CNTROB: variants seen among roughly 807,000 people sequenced by gnomAD.
The protein encoded by CNTROB is centrobin.
In CNTROB, 82 loss-of-function variants were observed where a neutral mutation model predicts 115.7. The observed-to-expected ratio is 0.71, with a 90% CI of 0.59 to 0.85. CNTROB has a LOEUF of 0.85. Among genes scored for constraint, CNTROB ranks in the 40% least tolerant of loss-of-function variants. CNTROB has a pLI of 0.00. For missense variants in CNTROB, 1,014 were observed against 1,144.4 expected (o/e 0.89, Z 1.64); for synonymous variants, 439 against 456.4 (o/e 0.96, Z 0.49).
In CNTROB at chr17:7,933,250, T is replaced by A; in HGVS notation, c.171T>A (p.Tyr57Ter). Residue 57 changes from tyrosine (Y) to a stop codon, truncating the protein, a stop_gained, in exon 1 of 19, where the codon TAT (tyrosine) becomes TAA (stop). Coordinates refer to ENST00000563694, the MANE Select transcript of CNTROB (RefSeq NM_053051.5). LOFTEE classifies it high-confidence loss of function. ...AGGCCACGGCCCGAGCCCAGCTGTATTTACCCTCCACCTCCCCGCCTCATG... is the reference window on the plus strand; with the variant it reads ...AGGCCACGGCCCGAGCCCAGCTGTAATTACCCTCCACCTCCCCGCCTCATG... The part of the protein sequence containing the change: ...QAEATARAQL[Y>*]LPSTSPPHEG... 1 of 1,614,212 alleles carries A rather than the reference T, an allele frequency of 6.2e-7. No homozygotes were observed. Among genetic ancestry groups the A allele is most frequent in the Non-Finnish European group, 8.5e-7 (1 of 1,180,036 alleles).
Position 7,940,146 on chromosome 17 carries a change from G to A in CNTROB, c.1215G>A (p.Leu405=), listed in dbSNP as rs372990299. The change falls in exon 9 of 19, where the codon TTG becomes TTA. Residue 405 remains leucine (L), a synonymous_variant. Transcript: ENST00000563694. ...CCGCCTGGGAGACCCAGCACCAGTT[G>A]GCATTGGTGCAGTCTGAGGTGCGGC... ...AQAAWETQHQ[L]ALVQSEVRRL... 4.5e-5 allele frequency: 72 copies of A among 1,611,476 alleles called. No individual in the cohort carries two copies. The East Asian group carries it at 1.5e-3, about 33-fold the overall frequency.
chr17:7,945,980 T>A lies in CNTROB; in HGVS notation c.1987T>A (p.Ser663Thr). The change falls in exon 13 of 19, where the codon TCC becomes ACC. Residue 663 changes from serine (S) to threonine (T), a missense_variant. Physicochemically the swap from Ser to Thr is moderately conservative, Grantham distance 58. Coordinates refer to ENST00000563694, the MANE Select transcript of CNTROB (RefSeq NM_053051.5). ...PLEPKPDLTS[S>T]TAGAFSALGA... is the part of the protein sequence containing the mutation. ...GGAGCCCAAACCAGACCTCACTTCATCCACAGGTAACTGGGGGCAGAAGTC... is the reference window on the plus strand; with the variant it reads ...GGAGCCCAAACCAGACCTCACTTCAACCACAGGTAACTGGGGGCAGAAGTC... 3 of 1,614,030 alleles carry A rather than the reference T, an allele frequency of 1.9e-6. No homozygotes were observed. The highest frequency in any genetic ancestry group is 2.5e-6 in the Non-Finnish European group (3 of 1,179,918).
In CNTROB at chr17:7,949,499, G is replaced by A. The variant is rs147569775; in HGVS notation, c.2701G>A (p.Val901Ile). 1.7e-3 allele frequency: 2,695 copies of A among 1,612,542 alleles called. 5 individuals carry two copies. Among genetic ancestry groups the A allele is most frequent in the Non-Finnish European group, 1.9e-3 (2,215 of 1,179,350 alleles). ...APSSMRSRGG[V>I]WR ...GAGTAGCATGAGGAGCCGGGGGGGA[G>A]TCTGGAGATGAGCCCCCCTACCCTC... is the stretch of plus-strand genomic sequence containing the variant. Residue 901 changes from valine to isoleucine, a missense_variant, in exon 19 of 19, where the codon GTC becomes ATC. Physicochemically the swap from Val to Ile is conservative, Grantham distance 29. Transcript: ENST00000563694.
chr17:7,937,480 A>G (rs1012348784), intron 7 of CNTROB, among the ~76,000 whole-genome samples: 28 of 152,194 alleles, frequency 1.8e-4, no homozygotes, highest in African/African-American at 6.3e-4. Context: ...TTGTATCATC[A>G]TTAGAATATT....
chr17:7,947,929 T>C lies in CNTROB; in HGVS notation c.2159T>C (p.Val720Ala), dbSNP rs1199148844. Reference sequence around the variant, plus strand: ...ATTCACCCACAGTTGCTGGAGACAGTGCCCCAGAACAATGAGAACCCTTCT... The same window carrying C: ...ATTCACCCACAGTTGCTGGAGACAGCGCCCCAGAACAATGAGAACCCTTCT... ...KNFLHQLLET[V>A]PQNNENPSVD... Residue 720 changes from valine to alanine, a missense_variant, in exon 15 of 19, where the codon GTG (valine) becomes GCG (alanine). By Grantham distance (64) the Val-to-Ala change is moderately conservative. Coordinates refer to ENST00000563694, the MANE Select transcript of CNTROB (RefSeq NM_053051.5). The C allele has an allele frequency of 6.2e-7, 1 of 1,614,042 alleles. No homozygotes were observed.
Position 7,948,363 on chromosome 17 carries a change from G to A in CNTROB, c.2380+36G>A, listed in dbSNP as rs1435072086. 1 of 1,612,218 alleles carries A rather than the reference G, an allele frequency of 6.2e-7. No homozygotes were observed. Among genetic ancestry groups the A allele is most frequent in the Admixed American group, 1.7e-5 (1 of 60,000 alleles). On this transcript the variant is annotated intron_variant, in intron 16 of 18. Transcript: ENST00000563694. This position sits in a 1 kb window ranked among gnomAD's most constrained non-coding sequence, Gnocchi z 4.4. ...TCTGGTTTATTAGGGAAAAAAGGAG[G>A]GACAGTCCTGAGTGTGGATCCAGTA... is the stretch of plus-strand genomic sequence containing the variant.
rs1441395936 is a variant in CNTROB at position 7,933,101 on chromosome 17, C to G, written c.22C>G (p.Pro8Ala). The change falls in exon 1 of 19, where the codon CCC (proline) becomes GCC (alanine). Residue 8 changes from proline (P) to alanine (A), a missense_variant. Physicochemically the swap from Pro to Ala is conservative, Grantham distance 27. Transcript: ENST00000563694. The stretch of plus-strand genomic sequence containing the variant: ...ATTCATGGCAACATCAGCTGACAGC[C>G]CCAGTTCACCCCTCGGGGCGGAGGA... MATSADS[P>A]SSPLGAEDLL... The G allele has an allele frequency of 6.2e-7, 1 of 1,614,046 alleles. No individual in the cohort carries two copies. Among genetic ancestry groups the G allele is most frequent in the African/African-American group, 1.3e-5 (1 of 75,022 alleles).
intron 13 of CNTROB, among the ~76,000 whole-genome samples, chr17:7,946,289 C>A (rs986045608): frequency 4.6e-5 from 7 of 152,208 alleles, no homozygotes; most frequent in African/African-American, 1.7e-4. Context: ...ACCTCTCCTG[C>A]ACATCTGCTC....
chr17:7,932,138 T>C (rs958791317), upstream of CNTROB: 1 of 409,106 alleles, frequency 2.4e-6, no homozygotes, highest in African/African-American at 2.0e-5. Context: ...ACAGAAGTGA[T>C]GTGAGTGTCT....
intron 9 of CNTROB, among the ~76,000 whole-genome samples, chr17:7,942,819 T>TTTTTTGG (rs1974059182): frequency 8.6e-6 from 1 of 116,194 alleles, no homozygotes; most frequent in Admixed American, 8.5e-5. Context: ...TTTTTTTTTT[T>TTTTTTGG]GAGACGGAGT....
At chr17:7,937,296 A>G (rs753242872) in intron 7 of CNTROB, 34 bp downstream of exon 7, 4 of 1,612,278 alleles carry the variant, frequency 2.5e-6, no homozygotes. Flanking sequence ...TTCCACTGGA[A>G]GCTGTTAATT....
rs1178766311 is a variant in CNTROB at position 7,933,153 on chromosome 17, CT to C, written c.75del (p.Leu27SerfsTer8). 1.2e-6 allele frequency: 2 copies of C among 1,614,254 alleles called. No individual in the cohort carries two copies. Among genetic ancestry groups the C allele is most frequent in the South Asian group, 1.1e-5 (1 of 91,090 alleles). The stretch of plus-strand genomic sequence containing the variant: ...CTCCTGAGTGATTCATCAGAACCCC[CT>C]GGGCTCAACCAAGTGTCGTCTGAAG... Reference protein sequence around the residue: ...EDLLSDSSEPPGLNQVSSEVT... With the variant: ...EDLLSDSSEPXGLNQVSSEVT... On this transcript the variant is annotated frameshift_variant, in exon 1 of 19. Coordinates refer to ENST00000563694, the MANE Select transcript of CNTROB (RefSeq NM_053051.5). LOFTEE classifies it high-confidence loss of function.
intron 12 of CNTROB, chr17:7,945,489 C>A: frequency 6.2e-6 from 3 of 486,880 alleles, no homozygotes; most frequent in East Asian, 7.1e-5. Context: ...GTAGCTGGGA[C>A]TACACACACG....
chr17:7,933,244 G>A lies in CNTROB; in HGVS notation c.165G>A (p.Gln55=). Residue 55 remains glutamine, a synonymous_variant, in exon 1 of 19, where the codon CAG becomes CAA. Transcript: ENST00000563694. ...AGGCGGAGGCCACGGCCCGAGCCCA[G>A]CTGTATTTACCCTCCACCTCCCCGC... is the stretch of plus-strand genomic sequence containing the variant. ...SRQAEATARA[Q]LYLPSTSPPH... is the part of the protein sequence containing the mutation. 1 of 1,614,226 alleles carries A rather than the reference G, an allele frequency of 6.2e-7. No individual in the cohort carries two copies. Among genetic ancestry groups the A allele is most frequent in the Non-Finnish European group, 8.5e-7 (1 of 1,180,040 alleles).
rs1422759235 is a variant in CNTROB at position 7,944,406 on chromosome 17, T to C, written c.1572-70T>C. The stretch of plus-strand genomic sequence containing the variant: ...TATCAGATGTCCAACATTTCCCTTC[T>C]GGCTCTTTTTAGCTCCCAAGTATCT... On this transcript the variant is annotated intron_variant, in intron 11 of 18. Transcript: ENST00000563694. The surrounding 1 kb of genome is among the most constrained non-coding windows in gnomAD (Gnocchi z 4.0). The C allele has an allele frequency of 6.3e-7, 1 of 1,590,946 alleles. No individual in the cohort carries two copies. The highest frequency in any genetic ancestry group is 8.6e-7 in the Non-Finnish European group (1 of 1,163,262).
In CNTROB at chr17:7,948,074, A is replaced by G. The variant is rs909411148; in HGVS notation, c.2210-83A>G. The G allele has an allele frequency of 5.0e-6, 8 of 1,598,422 alleles. No individual in the cohort carries two copies. In the African/African-American group the frequency reaches 1.1e-4, roughly 21 times the overall value. ...ATTTTTAGGAGCTGGCAAAAGTAAT[A>G]AAGCCTTATAAATGCTGGGTGGTGG... On this transcript the variant is annotated intron_variant, in intron 15 of 18. Transcript: ENST00000563694. This position sits in a 1 kb window ranked among gnomAD's most constrained non-coding sequence, Gnocchi z 4.4.
In CNTROB at chr17:7,933,058, C is replaced by T. The variant is rs1459684344; in HGVS notation, c.-22C>T. 6.2e-7 allele frequency: 1 copy of T among 1,608,118 alleles called. No homozygotes were observed. Among genetic ancestry groups the T allele is most frequent in the Non-Finnish European group, 8.5e-7 (1 of 1,177,212 alleles). On this transcript the variant is annotated 5_prime_UTR_variant, in exon 1 of 19. Coordinates refer to ENST00000563694, the MANE Select transcript of CNTROB (RefSeq NM_053051.5). ...GAACCTCCCAGCTCTTTGCTGTCTC[C>T]GGTTGTCTCTTCCCTGTATTCATGG...
intron 12 of CNTROB, among the ~76,000 whole-genome samples, chr17:7,945,069 C>T (rs1418335652): frequency 6.6e-6 from 1 of 152,148 alleles, no homozygotes; most frequent in African/African-American, 2.4e-5. Context: ...ACAAATGATA[C>T]GTGGTACTAG....
At chr17:7,936,584 C>T in intron 5 of CNTROB, 102 bp downstream of exon 5, 1 of 791,706 alleles carries the variant, frequency 1.3e-6, no homozygotes, top group Non-Finnish European at 2.3e-6. Flanking sequence ...ATGCTGAGAG[C>T]TGGGCAAGGG....
Sources: gnomAD v4.1 joint callset for allele counts (sites outside exome capture counted in the v4.1 genomes callset) on GRCh38, gnomAD v4.1.1 for gene constraint, Gnocchi (gnomAD v3.1) non-coding constraint, MANE v1.5 for transcripts, NCBI Gene and HGNC (gene_info 2026-07-23, HGNC 2026-07-21) for gene names.